TENM1: variants seen among roughly 807,000 people sequenced by gnomAD.
TENM1 encodes the protein teneurin transmembrane protein 1.
Under a neutral mutation model 174.8 loss-of-function variants are expected in TENM1, and 35 were observed. That is an observed-to-expected ratio of 0.20 (90% CI 0.15 to 0.27). TENM1 has a LOEUF of 0.27. Among genes scored for constraint, TENM1 ranks in the 10% least tolerant of loss-of-function variants. TENM1 has a pLI of 1.00. For synonymous variants in TENM1, 781 were observed against 798.7 expected, an observed-to-expected ratio of 0.98 and a Z score of 0.37; for missense variants, 1,633 against 2,130.1, an observed-to-expected ratio of 0.77 and a Z score of 4.59.
chrX:124,752,295 G>A (rs1365103480), intron 3 of TENM1, among the ~76,000 whole-genome samples: 1 of 111,862 alleles, frequency 8.9e-6, no homozygotes, highest in Non-Finnish European at 1.9e-5. Context: ...GTCTTCTTTT[G>A]AGAAGTGTCT....
intron 28 of TENM1, among the ~76,000 whole-genome samples, chrX:124,389,430 A>G (rs1455947244): frequency 8.9e-6 from 1 of 112,406 alleles, no homozygotes; most frequent in Non-Finnish European, 1.9e-5. Context: ...TGCCCCTGTC[A>G]TAGTGGGAGA....
chrX:124,619,561 T>C (rs2050470354), intron 11 of TENM1, among the ~76,000 whole-genome samples: 1 of 111,846 alleles, frequency 8.9e-6, no homozygotes, highest in South Asian at 3.7e-4. Context: ...AGCATTTCTC[T>C]AGAATACTTC....
the TENM1 span, among the ~76,000 whole-genome samples, chrX:125,069,727 C>A: frequency 2.7e-5 from 3 of 110,509 alleles, no homozygotes; most frequent in Admixed American, 9.7e-5. Flanking sequence ...TGTTACAAAC[C>A]TTCACATCCT....
At chrX:125,097,991 C>T in the TENM1 span, among the ~76,000 whole-genome samples, 4 of 112,499 alleles carry the variant, frequency 3.6e-5, no homozygotes, top group African/African-American at 6.5e-5. Flanking sequence ...CGGCCGGGCG[C>T]GGTGGCTCAC....
At chrX:124,775,529 G>A (rs988301259) in intron 3 of TENM1, among the ~76,000 whole-genome samples, 10 of 111,485 alleles carry the variant, frequency 9.0e-5, no homozygotes, top group Non-Finnish European at 1.5e-4. Flanking sequence ...GAGGAAGTCT[G>A]AAAAAAGGTT....
chrX:125,085,195 A>C, the TENM1 span, among the ~76,000 whole-genome samples: 1 of 110,804 alleles, frequency 9.0e-6, no homozygotes, highest in African/African-American at 3.3e-5. Flanking sequence ...AAAAAAAAAA[A>C]TGTTACCTAC....
intron 10 of TENM1, among the ~76,000 whole-genome samples, chrX:124,643,215 T>A (rs763725726): frequency 1.8e-5 from 2 of 112,069 alleles, no homozygotes; most frequent in South Asian, 7.5e-4. Context: ...AATAAAGTAG[T>A]ATTTAACTTA....
chrX:124,934,946 G>T (rs898246896), intron 1 of TENM1, among the ~76,000 whole-genome samples: 1 of 110,346 alleles, frequency 9.1e-6, no homozygotes, highest in African/African-American at 3.3e-5. Context: ...ATTGTTCACT[G>T]TGAATTAAGT....
At chrX:124,649,273 C>T (rs1414002304) in intron 8 of TENM1, among the ~76,000 whole-genome samples, 1 of 111,944 alleles carries the variant, frequency 8.9e-6, no homozygotes, top group Non-Finnish European at 1.9e-5. Flanking sequence ...TTTGCATCTT[C>T]GCTGATGATA....
chrX:124,725,937 T>C (rs2053432834), intron 4 of TENM1, among the ~76,000 whole-genome samples: 1 of 112,552 alleles, frequency 8.9e-6, no homozygotes, highest in Non-Finnish European at 1.9e-5. Context: ...GTGAATGAAG[T>C]TGTTAAGAAC....
chrX:124,831,795 A>T (rs1051003301), intron 3 of TENM1, among the ~76,000 whole-genome samples: 1 of 111,922 alleles, frequency 8.9e-6, no homozygotes. Flanking sequence ...TGGACAAAAA[A>T]AAAAGAAAAC....
intron 3 of TENM1, among the ~76,000 whole-genome samples, chrX:124,830,358 A>C (rs939429245): frequency 9.0e-6 from 1 of 111,683 alleles, no homozygotes; most frequent in Admixed American, 9.5e-5. Context: ...CAGTCTCCCC[A>C]TTTCTGCCTG....
the TENM1 span, among the ~76,000 whole-genome samples, chrX:125,197,742 A>G: frequency 8.3e-4 from 93 of 111,934 alleles, no homozygotes; most frequent in African/African-American, 2.8e-3. Flanking sequence ...ATTTTCCTAA[A>G]CTTTTGAATA....
At chrX:125,004,676 G>A in the TENM1 span, among the ~76,000 whole-genome samples, 2 of 110,239 alleles carry the variant, frequency 1.8e-5, no homozygotes, top group Non-Finnish European at 3.8e-5. Flanking sequence ...CAACTATATT[G>A]TTTAATTATT....
At chrX:124,835,635 G>A (rs183685999) in intron 3 of TENM1, among the ~76,000 whole-genome samples, 35 of 111,668 alleles carry the variant, frequency 3.1e-4, no homozygotes, top group Admixed American at 2.8e-3. Context: ...ATCCTATTGG[G>A]AGCAATAGGA....
the TENM1 span, among the ~76,000 whole-genome samples, chrX:125,193,681 A>G: frequency 9.0e-6 from 1 of 111,545 alleles, no homozygotes; most frequent in Non-Finnish European, 1.9e-5. Context: ...TCAAAAGATG[A>G]CTGTATATAC....
At chrX:124,488,760 G>A (rs2147954497) in intron 20 of TENM1, among the ~76,000 whole-genome samples, 1 of 112,314 alleles carries the variant, frequency 8.9e-6, no homozygotes, top group South Asian at 3.7e-4. Context: ...AAGTTTAGTT[G>A]TGAAAGTACT....
the TENM1 span, among the ~76,000 whole-genome samples, chrX:125,161,061 AC>A: frequency 0.015 from 1,529 of 104,592 alleles, 40 homozygotes; most frequent in African/African-American, 0.054. Flanking sequence ...AAAAAAAAAA[AC>A]AAAACCCAAA....
intron 3 of TENM1, among the ~76,000 whole-genome samples, chrX:124,826,008 A>C (rs1165655399): frequency 8.9e-6 from 1 of 111,998 alleles, no homozygotes; most frequent in Non-Finnish European, 1.9e-5. Flanking sequence ...TATAGCAGAA[A>C]ATTTTTAAAT....
Sources: gnomAD v4.1 joint callset for allele counts (sites outside exome capture counted in the v4.1 genomes callset) on GRCh38, gnomAD v4.1.1 for gene constraint, MANE v1.5 for transcripts, NCBI Gene and HGNC (gene_info 2026-07-23, HGNC 2026-07-21) for gene names.